TRHDE: variants seen among roughly 807,000 people sequenced by gnomAD.
The protein encoded by TRHDE is thyrotropin releasing hormone degrading enzyme, also known as thyrotropin-releasing hormone-degrading ectoenzyme.
TRHDE carries 72 observed loss-of-function variants against 125.7 expected under a neutral mutation model. The observed-to-expected ratio is 0.57, with a 90% CI of 0.47 to 0.70. The LOEUF (loss-of-function observed/expected upper bound fraction) is 0.70. Among genes scored for constraint, TRHDE ranks in the 30% least tolerant of loss-of-function variants. TRHDE has a pLI of 0.00. For synonymous variants in TRHDE, 509 were observed against 509.1 expected (o/e 1.00, Z 0.00); for missense variants, 1,110 against 1,327.1 (o/e 0.84, Z 2.54).
intron 15 of TRHDE, among the ~76,000 whole-genome samples, chr12:72,639,246 T>G (rs1873919171): frequency 6.6e-6 from 1 of 152,116 alleles, no homozygotes; most frequent in Admixed American, 6.5e-5. Flanking sequence ...TCGCTTCATT[T>G]CATTCATTTC....
At chr12:72,633,911 C>T (rs1873603890) in intron 15 of TRHDE, among the ~76,000 whole-genome samples, 1 of 151,956 alleles carries the variant, frequency 6.6e-6, no homozygotes, top group Non-Finnish European at 1.5e-5. Flanking sequence ...TTAAAAATTC[C>T]ATTACTCATT....
chr12:72,133,633 G>A (rs1258952265), intron 2 of TRHDE, among the ~76,000 whole-genome samples: 1 of 151,844 alleles, frequency 6.6e-6, no homozygotes, highest in Non-Finnish European at 1.5e-5. Context: ...GAACTTGTGG[G>A]GTAATGACTG....
chr12:72,477,688 T>C (rs1045501970), intron 5 of TRHDE, among the ~76,000 whole-genome samples: 3 of 152,120 alleles, frequency 2.0e-5, no homozygotes, highest in African/African-American at 4.8e-5. Flanking sequence ...CTTCAACAAC[T>C]CTTGATCATT....
chr12:72,380,190 T>C (rs1025657901), intron 3 of TRHDE, among the ~76,000 whole-genome samples: 27 of 152,302 alleles, frequency 1.8e-4, no homozygotes, highest in African/African-American at 6.3e-4. Context: ...CCTAATTTGA[T>C]CTATAAGCAT....
At chr12:72,222,297 T>G (rs1217950753) in intron 2 of TRHDE, among the ~76,000 whole-genome samples, 1 of 152,032 alleles carries the variant, frequency 6.6e-6, no homozygotes, top group Non-Finnish European at 1.5e-5. Context: ...GAAGAGCATG[T>G]GGAATGAGAA....
chr12:72,360,032 CAATT>C (rs1870997541), intron 2 of TRHDE, among the ~76,000 whole-genome samples: 1 of 151,544 alleles, frequency 6.6e-6, no homozygotes, highest in Admixed American at 6.6e-5. Context: ...AGTACGGAGA[CAATT>C]GATTATCCAC....
At chr12:72,477,490 A>G (rs1876952737) in intron 5 of TRHDE, among the ~76,000 whole-genome samples, 1 of 152,190 alleles carries the variant, frequency 6.6e-6, no homozygotes, top group African/African-American at 2.4e-5. Context: ...GGCTGAAGAC[A>G]CATTTCAAAG....
intron 2 of TRHDE, chr12:72,263,395 ATGTTTTGTTT>A (rs145589223): frequency 0.22 from 33,612 of 150,560 alleles, 5,310 homozygotes; most frequent in African/African-American, 0.45. Flanking sequence ...GTGTGTGTGC[ATGTTTTGTTT>A]TGTTTTGTTT....
chr12:72,372,344 T>A lies in TRHDE; in HGVS notation c.1189-5651T>A, dbSNP rs553127568. On this transcript the variant is annotated intron_variant, in intron 2 of 18. Transcript: ENST00000261180. ...ATTTTCTCCCATTTTGTAGGTTGCCTGTTCACTCTGATGGTAGTTTCTTTT... is the reference window on the plus strand; with the variant it reads ...ATTTTCTCCCATTTTGTAGGTTGCCAGTTCACTCTGATGGTAGTTTCTTTT... Among the ~76,000 whole-genome samples the A allele has an allele frequency of 1.1e-4, 17 of 152,258 alleles. No homozygotes were observed. In the South Asian group the frequency reaches 3.3e-3, roughly 30 times the overall value.
chr12:72,504,305 ATTTT>A (rs748855139), intron 6 of TRHDE, among the ~76,000 whole-genome samples: 2 of 141,578 alleles, frequency 1.4e-5, no homozygotes, highest in East Asian at 4.1e-4. Context: ...CACTAAGAAA[ATTTT>A]TTTTTTTTTT....
chr12:72,595,893 C>T (rs1871918418), intron 12 of TRHDE, among the ~76,000 whole-genome samples: 1 of 152,018 alleles, frequency 6.6e-6, no homozygotes, highest in South Asian at 2.1e-4. Flanking sequence ...GAATGTGAGT[C>T]ATAATATTCA....
chr12:72,376,872 C>A (rs1383560175), intron 2 of TRHDE, among the ~76,000 whole-genome samples: 1 of 147,476 alleles, frequency 6.8e-6, no homozygotes, highest in Non-Finnish European at 1.5e-5. Context: ...CTGAGTAAAC[C>A]ATTTTTTTTT....
At chr12:72,538,949 C>G (rs1323850281) in intron 6 of TRHDE, among the ~76,000 whole-genome samples, 2 of 151,860 alleles carry the variant, frequency 1.3e-5, no homozygotes, top group Non-Finnish European at 2.9e-5. Flanking sequence ...TATTTTCCAT[C>G]TAATCTTCCA....
At chr12:72,132,883 G>A (rs1304163390) in intron 2 of TRHDE, among the ~76,000 whole-genome samples, 1 of 151,922 alleles carries the variant, frequency 6.6e-6, no homozygotes, top group Non-Finnish European at 1.5e-5. Context: ...GTAGAAAAGG[G>A]GACCTGCGAC....
At chr12:72,352,260 C>G (rs1870616524) in intron 2 of TRHDE, among the ~76,000 whole-genome samples, 2 of 151,574 alleles carry the variant, frequency 1.3e-5, no homozygotes, top group Non-Finnish European at 2.9e-5. Flanking sequence ...ATTTGGCCAG[C>G]ATTTTCTTAA....
At chr12:72,619,744 G>C (rs1261850408) in intron 13 of TRHDE, among the ~76,000 whole-genome samples, 1 of 152,100 alleles carries the variant, frequency 6.6e-6, no homozygotes, top group Non-Finnish European at 1.5e-5. Flanking sequence ...TGCCTTCCAT[G>C]ATGTTTGAAC....
intron 2 of TRHDE, among the ~76,000 whole-genome samples, chr12:72,239,011 G>C (rs927767948): frequency 5.9e-5 from 9 of 152,184 alleles, no homozygotes; most frequent in Non-Finnish European, 8.8e-5. Context: ...CCCCCCAACA[G>C]TGTAAAAGCA....
chr12:72,556,993 T>C (rs1869955935), intron 7 of TRHDE, among the ~76,000 whole-genome samples: 1 of 152,178 alleles, frequency 6.6e-6, no homozygotes, highest in African/African-American at 2.4e-5. Context: ...GTCCTCTCTT[T>C]TTTATTAGCT....
intron 9 of TRHDE, among the ~76,000 whole-genome samples, chr12:72,565,925 C>G (rs1870420015): frequency 6.6e-6 from 1 of 151,916 alleles, no homozygotes; most frequent in Admixed American, 6.6e-5. Context: ...ACCGAAACAG[C>G]TGGAACACAA....
Sources: gnomAD v4.1 joint callset for allele counts (sites outside exome capture counted in the v4.1 genomes callset) on GRCh38, gnomAD v4.1.1 for gene constraint, MANE v1.5 for transcripts, NCBI Gene and HGNC (gene_info 2026-07-23, HGNC 2026-07-21) for gene names.